The following SLC41A2 variants were observed in gnomAD, a reference collection of about 807,000 sequenced individuals.
SLC41A2 encodes the protein solute carrier family 41 member 2.
A neutral mutation model predicts 58.3 loss-of-function variants in SLC41A2; 32 were observed. The ratio of observed to expected loss-of-function variants is 0.55; its 90% CI spans 0.41 to 0.74. The LOEUF (loss-of-function observed/expected upper bound fraction) is 0.74, where lower values mean the gene tolerates loss of function less well. SLC41A2 is among the 30% of genes least tolerant of loss of function. The pLI, the probability that SLC41A2 is intolerant of heterozygous loss-of-function variation, is 0.00. For missense variants in SLC41A2, 514 were observed against 680.6 expected (o/e 0.76, Z 2.72); for synonymous variants, 190 against 235.0 (o/e 0.81, Z 1.75).
chr12:104,941,338 A>G (rs2135944993), intron 1 of SLC41A2, among the ~76,000 whole-genome samples: 1 of 152,330 alleles, frequency 6.6e-6, no homozygotes, highest in Admixed American at 6.5e-5. Context: ...ACATGACTAA[A>G]CATTTGTAAA....
chr12:104,838,344 A>C (rs1393668508), intron 10 of SLC41A2, among the ~76,000 whole-genome samples: 1 of 152,242 alleles, frequency 6.6e-6, no homozygotes, highest in Non-Finnish European at 1.5e-5. Flanking sequence ...GAAGTTTATT[A>C]GTTAATATAC....
At chr12:104,853,930 T>TTTTTTTA in intron 8 of SLC41A2, among the ~76,000 whole-genome samples, 1 of 140,104 alleles carries the variant, frequency 7.1e-6, no homozygotes, top group African/African-American at 2.7e-5. Flanking sequence ...TTTTTTTTTT[T>TTTTTTTA]TTTTTTTTTA....
intron 1 of SLC41A2, among the ~76,000 whole-genome samples, chr12:104,950,455 T>C (rs2047909254): frequency 6.6e-6 from 1 of 152,236 alleles, no homozygotes; most frequent in Non-Finnish European, 1.5e-5. Context: ...ACTGTAAGTT[T>C]CCTGAGGCCT....
At chr12:104,925,750 A>G (rs2046811807) in intron 2 of SLC41A2, among the ~76,000 whole-genome samples, 1 of 152,146 alleles carries the variant, frequency 6.6e-6, no homozygotes, top group African/African-American at 2.4e-5. Context: ...AATGAGCTAT[A>G]TAAACATTCT....
intron 4 of SLC41A2, among the ~76,000 whole-genome samples, chr12:104,892,462 C>T (rs868460342): frequency 1.3e-5 from 2 of 151,908 alleles, no homozygotes; most frequent in Non-Finnish European, 2.9e-5. Context: ...AATGTAATCC[C>T]TATCAAAATG....
In SLC41A2 at chr12:104,947,194, C is replaced by CTTTTTT. The variant is rs1491116311; in HGVS notation, c.-168+10893_-168+10894insAAAAAA. Among the ~76,000 whole-genome samples, 60 of 53,688 alleles carry CTTTTTT rather than the reference C, an allele frequency of 1.1e-3. 24 individuals are homozygous for CTTTTTT. Among genetic ancestry groups the CTTTTTT allele is most frequent in the East Asian group, 2.0e-3 (2 of 982 alleles). The allele number at this position is 53,688 out of a possible 152,430, so 35.2% of individuals were successfully genotyped here. A position where few individuals can be genotyped will look rare whatever the true frequency, so the allele number is the denominator to read the frequency against. ...CTGAATTTCTGGCTTTTATTTTTGT[C>CTTTTTT]CTTTTTTTTTTTTTTTTTTTTTTTT... On this transcript the variant is annotated intron_variant, in intron 1 of 10. Coordinates refer to ENST00000258538, the MANE Select transcript of SLC41A2 (RefSeq NM_001352171.3).
chr12:104,845,746 C>T (rs2042577460), intron 9 of SLC41A2, 97 bp downstream of exon 9: 1 of 1,318,852 alleles, frequency 7.6e-7, no homozygotes, highest in Non-Finnish European at 1.0e-6. Context: ...AGTTGAGCAA[C>T]TTTCACAAAA....
chr12:104,810,529 AT>A (rs952687471), intron 10 of SLC41A2, among the ~76,000 whole-genome samples: 4 of 152,082 alleles, frequency 2.6e-5, no homozygotes, highest in African/African-American at 9.7e-5. Flanking sequence ...GCCCTGAATG[AT>A]TTTTCTAGAG....
At chr12:104,891,849 G>C (rs111283706) in intron 4 of SLC41A2, among the ~76,000 whole-genome samples, 12 of 152,080 alleles carry the variant, frequency 7.9e-5, no homozygotes, top group African/African-American at 2.9e-4. Context: ...AAAATTGTAG[G>C]ATACAAAATC....
intron 8 of SLC41A2, among the ~76,000 whole-genome samples, chr12:104,853,911 A>ATTATTATTATTATTTTTTTTTTTTTTTTT: frequency 1.7e-5 from 1 of 59,494 alleles, no homozygotes; most frequent in Non-Finnish European, 3.2e-5. Context: ...TGCCTGGCTG[A>ATTATTATTATTATTTTTTTTTTTTTTTTT]TTTTTTTTTT....
chr12:104,906,808 T>A (rs2045873965), intron 3 of SLC41A2, among the ~76,000 whole-genome samples: 1 of 152,168 alleles, frequency 6.6e-6, no homozygotes, highest in Admixed American at 6.5e-5. Flanking sequence ...CTTATAAATA[T>A]TTGACATTGT....
At chr12:104,888,786 C>G (rs552999989) in intron 5 of SLC41A2, among the ~76,000 whole-genome samples, 98 of 152,184 alleles carry the variant, frequency 6.4e-4, no homozygotes, top group Middle Eastern at 6.8e-3. Context: ...TTTTCCTGAT[C>G]TTTTTGAGGA....
intron 8 of SLC41A2, 98 bp downstream of exon 8, chr12:104,861,193 G>T (rs1327180788): frequency 1.3e-5 from 10 of 786,682 alleles, no homozygotes; most frequent in Non-Finnish European, 2.0e-5. Context: ...TGGGAGGACA[G>T]ACCTCTTGAA....
intron 8 of SLC41A2, among the ~76,000 whole-genome samples, chr12:104,850,499 C>T (rs565222805): frequency 6.6e-5 from 10 of 152,222 alleles, no homozygotes; most frequent in Admixed American, 2.0e-4. Flanking sequence ...TTTTGGCATT[C>T]GCTGCATTCT....
intron 10 of SLC41A2, among the ~76,000 whole-genome samples, chr12:104,816,914 G>A (rs973057035): frequency 6.6e-6 from 1 of 152,192 alleles, no homozygotes; most frequent in Non-Finnish European, 1.5e-5. Flanking sequence ...AAATGGTGTA[G>A]TATTTGTATA....
intron 1 of SLC41A2, among the ~76,000 whole-genome samples, chr12:104,935,703 A>T (rs1308755767): frequency 1.3e-5 from 2 of 152,192 alleles, no homozygotes; most frequent in Non-Finnish European, 2.9e-5. Flanking sequence ...AGGATGGACC[A>T]CATATATGAT....
chr12:104,948,418 G>A (rs898074636), intron 1 of SLC41A2, among the ~76,000 whole-genome samples: 32 of 151,242 alleles, frequency 2.1e-4, no homozygotes, highest in African/African-American at 7.5e-4. Context: ...CTAAAGGAAA[G>A]GAGATCACCC....
chr12:104,846,224 A>G (rs2042595658), intron 8 of SLC41A2, among the ~76,000 whole-genome samples: 1 of 152,224 alleles, frequency 6.6e-6, no homozygotes, highest in Admixed American at 6.5e-5. Flanking sequence ...GTAATTTTTA[A>G]AAGTCATTAT....
At chr12:104,907,986 C>G (rs2045924191) in intron 3 of SLC41A2, among the ~76,000 whole-genome samples, 1 of 152,132 alleles carries the variant, frequency 6.6e-6, no homozygotes. Flanking sequence ...CAAACCAGGC[C>G]AGGCACAGTG....
Sources: gnomAD v4.1 joint callset for allele counts (sites outside exome capture counted in the v4.1 genomes callset) on GRCh38, gnomAD v4.1.1 for gene constraint, MANE v1.5 for transcripts, NCBI Gene and HGNC (gene_info 2026-07-23, HGNC 2026-07-21) for gene names.